Variants in WWOX observed in about 807,000 individuals in gnomAD.
WWOX encodes WW domain containing oxidoreductase.
Under a neutral mutation model 46.2 loss-of-function variants are expected in WWOX, and 69 were observed. The observed-to-expected ratio is 1.49, with a 90% confidence interval of 1.23 to 1.82. The LOEUF (loss-of-function observed/expected upper bound fraction) is 1.82, where lower values mean the gene tolerates loss of function less well. WWOX is among the 40% of genes most tolerant of loss of function. The pLI, the probability that WWOX is intolerant of heterozygous loss-of-function variation, is 0.00. For synonymous variants in WWOX, 359 were observed against 202.6 expected (o/e 1.77, Z -6.56); for missense variants, 919 against 542.6 (o/e 1.69, Z -6.89).
chr16:78,562,259 C>G (rs931709866), intron 8 of WWOX, among the ~76,000 whole-genome samples: 6 of 152,230 alleles, frequency 3.9e-5, no homozygotes, highest in Admixed American at 1.3e-4. Context: ...CTGCCTCTAG[C>G]TCTCACACTG....
intron 5 of WWOX, among the ~76,000 whole-genome samples, chr16:78,249,985 C>A (rs1342322385): frequency 6.6e-6 from 1 of 152,142 alleles, no homozygotes; most frequent in Non-Finnish European, 1.5e-5. Flanking sequence ...CAGTGAGCGG[C>A]TGAACACACA....
At position 78,545,250 on chromosome 16, in the gene WWOX, T is replaced by G. The variant is rs113866964; in HGVS notation, c.1056+112498T>G. 2.8e-4 allele frequency among the ~76,000 whole-genome samples: 43 copies of G among 152,312 alleles called. 1 individual carries two copies. The highest frequency in any genetic ancestry group is 9.6e-4 in the African/African-American group (40 of 41,570). ...TGGGGAGCTGTTTGGACTAAGTGAA[T>G]GTCCAGCCCCAACTCAGGGATGTTG... On this transcript the variant is annotated intron_variant, in intron 8 of 8. Transcript: ENST00000566780.
At chr16:78,676,046 CTTGT>C (rs1241707803) in intron 8 of WWOX, among the ~76,000 whole-genome samples, 2 of 151,960 alleles carry the variant, frequency 1.3e-5, no homozygotes, top group Non-Finnish European at 2.9e-5. Context: ...TTCTCCGCTG[CTTGT>C]TTAAGAATCT....
At chr16:78,922,170 C>T (rs1389799424) in intron 8 of WWOX, among the ~76,000 whole-genome samples, 3 of 152,158 alleles carry the variant, frequency 2.0e-5, no homozygotes, top group Middle Eastern at 3.4e-3. Context: ...TTGATCTCAG[C>T]CTCCAAGTCA....
At chr16:78,829,532 C>A (rs1312222203) in intron 8 of WWOX, among the ~76,000 whole-genome samples, 1 of 152,120 alleles carries the variant, frequency 6.6e-6, no homozygotes, top group Non-Finnish European at 1.5e-5. Context: ...CACTGTGTGG[C>A]CCAGTCAAGT....
intron 8 of WWOX, among the ~76,000 whole-genome samples, chr16:78,623,871 G>C (rs1467711910): frequency 6.6e-6 from 1 of 152,066 alleles, no homozygotes; most frequent in East Asian, 1.9e-4. Flanking sequence ...TCCACCTACA[G>C]AGTCACATAT....
chr16:79,051,624 C>G (rs998511948), intron 8 of WWOX, among the ~76,000 whole-genome samples: 2 of 152,180 alleles, frequency 1.3e-5, no homozygotes, highest in African/African-American at 4.8e-5. Flanking sequence ...GTCGCTGCCT[C>G]AAATTTCTTT....
At chr16:79,072,153 G>C (rs1009443820) in intron 8 of WWOX, among the ~76,000 whole-genome samples, 2 of 152,146 alleles carry the variant, frequency 1.3e-5, no homozygotes, top group Non-Finnish European at 2.9e-5. Flanking sequence ...AGGCATGGTA[G>C]AGTGTGCCTG....
At chr16:78,856,351 G>C (rs1478771141) in intron 8 of WWOX, among the ~76,000 whole-genome samples, 1 of 152,162 alleles carries the variant, frequency 6.6e-6, no homozygotes, top group East Asian at 1.9e-4. Flanking sequence ...AGTAGAAGTT[G>C]AATAGATCTA....
chr16:78,389,493 C>T (rs1453575282), intron 6 of WWOX, among the ~76,000 whole-genome samples: 1 of 152,164 alleles, frequency 6.6e-6, no homozygotes, highest in African/African-American at 2.4e-5. Context: ...ACAAGAACAG[C>T]AGCGGAGTCA....
intron 8 of WWOX, among the ~76,000 whole-genome samples, chr16:78,720,324 T>G (rs541349308): frequency 6.6e-6 from 1 of 152,254 alleles, no homozygotes; most frequent in African/African-American, 2.4e-5. Flanking sequence ...TGAATTATTT[T>G]TCTTTCTTTT....
intron 4 of WWOX, among the ~76,000 whole-genome samples, chr16:78,154,510 T>G (rs1335095759): frequency 2.1e-4 from 14 of 65,498 alleles, no homozygotes; most frequent in African/African-American, 8.1e-4. Context: ...TTTTTTTTTT[T>G]GCCAAGCACC....
At chr16:78,128,187 CTTT>C (rs568825040) in intron 4 of WWOX, among the ~76,000 whole-genome samples, 1 of 146,936 alleles carries the variant, frequency 6.8e-6, no homozygotes, top group African/African-American at 2.5e-5. Context: ...GAGCTCTTGA[CTTT>C]TTTTTTTTGT....
chr16:78,932,565 G>A (rs952814641), intron 8 of WWOX, among the ~76,000 whole-genome samples: 7 of 152,218 alleles, frequency 4.6e-5, no homozygotes, highest in African/African-American at 1.4e-4. Context: ...TGCTGTCCTC[G>A]AAATGTTCCT....
At position 78,741,299 on chromosome 16, in the gene WWOX, G is replaced by A. The variant is rs1028610146; in HGVS notation, c.1056+308547G>A. Among the ~76,000 whole-genome samples the A allele has an allele frequency of 2.6e-5, 4 of 152,314 alleles. No individual in the cohort carries two copies. The South Asian group carries it at 6.2e-4, about 24-fold the overall frequency. On this transcript the variant is annotated intron_variant, in intron 8 of 8. Coordinates refer to ENST00000566780, the MANE Select transcript of WWOX (RefSeq NM_016373.4). Reference sequence around the variant, plus strand: ...ATGCTGGTCAGGCGCGGTGGCTCACGCCTGTAATCCCAGCATTTTGGGAGG... The same window carrying A: ...ATGCTGGTCAGGCGCGGTGGCTCACACCTGTAATCCCAGCATTTTGGGAGG...
intron 5 of WWOX, among the ~76,000 whole-genome samples, chr16:78,284,221 T>C (rs537501295): frequency 1.3e-5 from 2 of 152,330 alleles, no homozygotes; most frequent in East Asian, 1.9e-4. Flanking sequence ...AGCCAAGTAC[T>C]TTTTGTTGGT....
At chr16:79,049,250 T>C (rs574723871) in intron 8 of WWOX, among the ~76,000 whole-genome samples, 1 of 152,216 alleles carries the variant, frequency 6.6e-6, no homozygotes, top group Non-Finnish European at 1.5e-5. Context: ...TTAAACTTTA[T>C]TTACAAAAAC....
chr16:78,956,827 G>T (rs973034123), intron 8 of WWOX, among the ~76,000 whole-genome samples: 1 of 152,190 alleles, frequency 6.6e-6, no homozygotes, highest in Non-Finnish European at 1.5e-5. Context: ...AAGGCATGCT[G>T]TGCCCACTTT....
intron 8 of WWOX, chr16:79,016,610 A>T (rs868036357): frequency 2.0e-5 from 3 of 152,158 alleles, no homozygotes; most frequent in Admixed American, 1.3e-4. Flanking sequence ...TTTAGTAGAG[A>T]TGGGGTTTTG....
Sources: allele counts gnomAD v4.1 joint callset (sites outside exome capture counted in the v4.1 genomes callset), GRCh38; gene constraint gnomAD v4.1.1; transcripts MANE v1.5; gene names NCBI Gene and HGNC (gene_info 2026-07-23, HGNC 2026-07-21).